Variants in DLG2 observed in about 807,000 individuals in gnomAD.
DLG2 encodes disks large homolog 2.
In DLG2, 45 loss-of-function variants were observed where a neutral mutation model predicts 132.5. The ratio of observed to expected loss-of-function variants is 0.34; its 90% confidence interval spans 0.27 to 0.44. The LOEUF (loss-of-function observed/expected upper bound fraction) is 0.44, where lower values mean the gene tolerates loss of function less well. Among genes scored for constraint, DLG2 ranks in the 20% least tolerant of loss-of-function variants. The probability of loss-of-function intolerance (pLI) is 1.00; values close to 1 mark genes in which losing one functional copy is unlikely to be tolerated. For missense variants in DLG2, 1,045 were observed against 1,196.9 expected (o/e 0.87, Z 1.87); for synonymous variants, 424 against 419.6 (o/e 1.01, Z -0.13).
intron 6 of DLG2, among the ~76,000 whole-genome samples, chr11:84,579,221 GTC>G (rs1491010160): frequency 6.6e-6 from 1 of 151,572 alleles, no homozygotes; most frequent in East Asian, 1.9e-4. Flanking sequence ...GTGTGTGTGT[GTC>G]TTTCTTTTCT....
intron 19 of DLG2, among the ~76,000 whole-genome samples, chr11:83,597,673 T>A (rs1430875050): frequency 6.6e-6 from 1 of 151,530 alleles, no homozygotes; most frequent in Non-Finnish European, 1.5e-5. Flanking sequence ...TAGTCCTAGC[T>A]ACTCAGGAGG....
At chr11:84,935,175 G>A (rs532003147) in intron 6 of DLG2, among the ~76,000 whole-genome samples, 1 of 152,238 alleles carries the variant, frequency 6.6e-6, no homozygotes, top group African/African-American at 2.4e-5. Flanking sequence ...AATGTGTAAT[G>A]TTTTCACCAG....
intron 7 of DLG2, among the ~76,000 whole-genome samples, chr11:84,493,566 C>T (rs55796920): frequency 0.041 from 6,256 of 151,974 alleles, 152 homozygotes; most frequent in African/African-American, 0.061. Flanking sequence ...GAAAAATGAC[C>T]CCTCAAGGTG....
chr11:85,231,175 G>A (rs984328866), intron 4 of DLG2, among the ~76,000 whole-genome samples: 1 of 151,838 alleles, frequency 6.6e-6, no homozygotes, highest in Non-Finnish European at 1.5e-5. Context: ...CTCCTGTTGG[G>A]ACTGCAAATA....
At chr11:84,088,389 CA>C (rs1027577282) in intron 10 of DLG2, among the ~76,000 whole-genome samples, 211 of 147,230 alleles carry the variant, frequency 1.4e-3, no homozygotes, top group African/African-American at 4.9e-3. Context: ...AAAAAAAAAA[CA>C]AAAATCCAAC....
chr11:83,901,988 C>A (rs2154099678), intron 15 of DLG2, among the ~76,000 whole-genome samples: 1 of 152,070 alleles, frequency 6.6e-6, no homozygotes, highest in South Asian at 2.1e-4. Context: ...TTATTACTTT[C>A]ACCATTATTA....
At chr11:83,656,440 C>A (rs2072476889) in intron 18 of DLG2, among the ~76,000 whole-genome samples, 1 of 152,156 alleles carries the variant, frequency 6.6e-6, no homozygotes, top group African/African-American at 2.4e-5. Context: ...CCTGGTAGCA[C>A]TCAGAACTTC....
At chr11:84,114,758 C>T in intron 9 of DLG2, among the ~76,000 whole-genome samples, 1 of 151,410 alleles carries the variant, frequency 6.6e-6, no homozygotes, top group Non-Finnish European at 1.5e-5. Flanking sequence ...GATCTCTGCT[C>T]ACTACAACTT....
intron 6 of DLG2, among the ~76,000 whole-genome samples, chr11:84,727,257 G>A (rs1458662580): frequency 2.0e-5 from 3 of 152,156 alleles, no homozygotes; most frequent in African/African-American, 7.2e-5. Flanking sequence ...GACCCATCTT[G>A]AGTTGATTTT....
chr11:83,866,106 A>C (rs1419629591), intron 16 of DLG2, among the ~76,000 whole-genome samples: 1 of 152,054 alleles, frequency 6.6e-6, no homozygotes, highest in Non-Finnish European at 1.5e-5. Context: ...TGACACAGTA[A>C]CAGATTTATA....
At chr11:84,558,746 C>T (rs953714667) in intron 6 of DLG2, among the ~76,000 whole-genome samples, 4 of 152,144 alleles carry the variant, frequency 2.6e-5, no homozygotes, top group Non-Finnish European at 4.4e-5. Flanking sequence ...CGCCAAATTC[C>T]GTTCAGATGT....
chr11:84,898,958 C>G (rs915403208), intron 6 of DLG2, among the ~76,000 whole-genome samples: 2 of 151,952 alleles, frequency 1.3e-5, no homozygotes, highest in Non-Finnish European at 1.5e-5. Context: ...TGTAAAATTC[C>G]TTGAAAGGTG....
chr11:83,842,671 C>G (rs2057852240), intron 16 of DLG2, among the ~76,000 whole-genome samples: 2 of 151,778 alleles, frequency 1.3e-5, no homozygotes, highest in African/African-American at 2.4e-5. Flanking sequence ...AAAAAATTAG[C>G]CGGGCATGGT....
intron 3 of DLG2, among the ~76,000 whole-genome samples, chr11:85,488,663 C>T (rs2093487318): frequency 6.6e-6 from 1 of 152,062 alleles, no homozygotes; most frequent in Non-Finnish European, 1.5e-5. Flanking sequence ...AGAGTATTCC[C>T]AGCAAAGCCT....
At chr11:83,670,029 G>C (rs1235791096) in intron 18 of DLG2, among the ~76,000 whole-genome samples, 1 of 152,174 alleles carries the variant, frequency 6.6e-6, no homozygotes, top group Non-Finnish European at 1.5e-5. Flanking sequence ...TTAGCTCTCA[G>C]AGCAGTGATG....
Position 84,098,982 on chromosome 11 carries a change from A to G in DLG2, c.690T>C (p.Pro230=), listed in dbSNP as rs1454100223. The G allele has an allele frequency of 6.2e-7, 1 of 1,613,690 alleles. No individual in the cohort carries two copies. The highest frequency in any genetic ancestry group is 1.1e-5 in the South Asian group (1 of 91,074). ...GTATAATCTTCGTAATAAATATGCCAGGGTCATCTCCAATGTGGGGATTAT... is the reference window on the plus strand; with the variant it reads ...GTATAATCTTCGTAATAAATATGCCGGGGTCATCTCCAATGTGGGGATTAT... The part of the protein sequence containing the change: ...GTDNPHIGDD[P]GIFITKIIPG... The change falls in exon 10 of 28, where the codon CCT becomes CCC. Residue 230 remains proline (P), a synonymous_variant. Transcript: ENST00000376104.
At chr11:85,043,554 C>T (rs769049749) in intron 6 of DLG2, among the ~76,000 whole-genome samples, 1 of 151,800 alleles carries the variant, frequency 6.6e-6, no homozygotes, top group Non-Finnish European at 1.5e-5. Flanking sequence ...GTAAAAGGCA[C>T]TGTATGCATG....
At chr11:83,573,073 T>C (rs116664155) in intron 19 of DLG2, among the ~76,000 whole-genome samples, 3,137 of 152,280 alleles carry the variant, frequency 0.021, 121 homozygotes, top group African/African-American at 0.072. Context: ...ACTCCTTTTT[T>C]CCCCAACTAA....
intron 15 of DLG2, among the ~76,000 whole-genome samples, chr11:83,923,175 G>A (rs766523859): frequency 3.3e-5 from 5 of 152,072 alleles, no homozygotes; most frequent in Non-Finnish European, 7.4e-5. Flanking sequence ...CCTGATTTGT[G>A]ATAGCAACAA....
Sources: allele counts gnomAD v4.1 joint callset (sites outside exome capture counted in the v4.1 genomes callset), GRCh38; gene constraint gnomAD v4.1.1; transcripts MANE v1.5; gene names NCBI Gene and HGNC (gene_info 2026-07-23, HGNC 2026-07-21).